Variants in ARID1B observed in about 807,000 individuals in gnomAD.
ARID1B encodes the protein AT-rich interaction domain 1B, also known as AT-rich interactive domain-containing protein 1B.
ARID1B carries 30 observed loss-of-function variants against 212.3 expected under a neutral mutation model. That is an observed-to-expected ratio of 0.14 (90% CI 0.11 to 0.19). ARID1B has a LOEUF of 0.19. Ranked by LOEUF, ARID1B falls within the 10% of genes least tolerant of loss-of-function variation. The pLI, the probability that ARID1B is intolerant of heterozygous loss-of-function variation, is 1.00. For synonymous variants in ARID1B, 1,402 were observed against 1,301.7 expected, an observed-to-expected ratio of 1.08 and a Z score of -1.66; for missense variants, 2,891 against 3,204.0, an observed-to-expected ratio of 0.90 and a Z score of 2.36.
intron 5 of ARID1B, among the ~76,000 whole-genome samples, chr6:157,101,041 T>C (rs1267355833): frequency 6.6e-6 from 1 of 152,214 alleles, no homozygotes; most frequent in African/African-American, 2.4e-5. Context: ...AGAGAGCCGA[T>C]TTCCATGAGG....
intron 3 of ARID1B, among the ~76,000 whole-genome samples, chr6:156,927,509 C>T (rs1791319880): frequency 6.6e-6 from 1 of 152,074 alleles, no homozygotes; most frequent in Non-Finnish European, 1.5e-5. Flanking sequence ...ATGTCTTGAT[C>T]CCCACCCCAC....
chr6:157,146,663 CAT>C (rs1182620170), intron 7 of ARID1B, among the ~76,000 whole-genome samples: 53 of 152,330 alleles, frequency 3.5e-4, no homozygotes, highest in African/African-American at 1.2e-3. Context: ...CACACACACA[CAT>C]ACCCATGTAG....
chr6:157,028,446 T>G (rs1780806781), intron 4 of ARID1B, among the ~76,000 whole-genome samples: 1 of 152,244 alleles, frequency 6.6e-6, no homozygotes, highest in East Asian at 1.9e-4. Context: ...CATAAAGATC[T>G]AAAGGGAAAG....
At chr6:157,027,547 G>T (rs1583174162) in intron 4 of ARID1B, among the ~76,000 whole-genome samples, 1 of 152,340 alleles carries the variant, frequency 6.6e-6, no homozygotes, top group East Asian at 1.9e-4. Flanking sequence ...TTTGGACAGG[G>T]AACAGGGCAG....
chr6:157,121,962 C>T (rs575597902), intron 6 of ARID1B, among the ~76,000 whole-genome samples: 5 of 152,108 alleles, frequency 3.3e-5, no homozygotes, highest in African/African-American at 1.2e-4. Flanking sequence ...GTAAAGTCTC[C>T]GCTAACCAAA....
At chr6:156,948,675 A>G (rs1793351816) in intron 4 of ARID1B, among the ~76,000 whole-genome samples, 1 of 152,248 alleles carries the variant, frequency 6.6e-6, no homozygotes, top group Non-Finnish European at 1.5e-5. Flanking sequence ...GTAATCATTT[A>G]TTGTGTCTAA....
chr6:156,908,139 G>T (rs1399478652), intron 3 of ARID1B, among the ~76,000 whole-genome samples: 1 of 152,054 alleles, frequency 6.6e-6, no homozygotes, highest in African/African-American at 2.4e-5. Flanking sequence ...GGCCTCAAGT[G>T]ATCCTCCTAC....
intron 4 of ARID1B, among the ~76,000 whole-genome samples, chr6:157,069,454 A>G (rs988787387): frequency 2.6e-5 from 4 of 152,122 alleles, no homozygotes; most frequent in Admixed American, 6.5e-5. Context: ...TAACACTACT[A>G]ATTTCTTGTA....
intron 15 of ARID1B, chr6:157,195,649 G>T (rs1453392495): frequency 2.5e-5 from 4 of 157,850 alleles, no homozygotes; most frequent in African/African-American, 7.2e-5. Context: ...CTCATGGAAG[G>T]TGCCCACCGG....
intron 1 of ARID1B, among the ~76,000 whole-genome samples, chr6:156,817,954 C>G (rs1484161771): frequency 6.6e-6 from 1 of 152,130 alleles, no homozygotes; most frequent in Non-Finnish European, 1.5e-5. Context: ...TTATCACTGT[C>G]AGGAAACTTA....
At chr6:156,824,103 C>T (rs1398693915) in intron 1 of ARID1B, among the ~76,000 whole-genome samples, 2 of 152,022 alleles carry the variant, frequency 1.3e-5, no homozygotes, top group African/African-American at 4.8e-5. Flanking sequence ...GTATTTCTTC[C>T]TTAGAGAGAG....
intron 2 of ARID1B, among the ~76,000 whole-genome samples, chr6:156,841,458 T>C (rs898675169): frequency 6.6e-6 from 1 of 152,164 alleles, no homozygotes; most frequent in African/African-American, 2.4e-5. Flanking sequence ...ATGACAGGAA[T>C]CTAGTGCCTT....
chr6:156,906,158 T>C (rs1016965765), intron 3 of ARID1B, among the ~76,000 whole-genome samples: 9 of 152,002 alleles, frequency 5.9e-5, no homozygotes, highest in Non-Finnish European at 1.2e-4. Flanking sequence ...GGAGGGGTGG[T>C]CCTCAACTGG....
intron 3 of ARID1B, among the ~76,000 whole-genome samples, chr6:156,932,010 C>CTG (rs1333088831): frequency 1.3e-5 from 2 of 148,222 alleles, no homozygotes; most frequent in African/African-American, 5.0e-5. Flanking sequence ...TGGTATGTGC[C>CTG]TGTAGTCCTA....
chr6:156,905,985 A>G (rs930310882), intron 3 of ARID1B, among the ~76,000 whole-genome samples: 2 of 152,208 alleles, frequency 1.3e-5, no homozygotes, highest in African/African-American at 2.4e-5. Flanking sequence ...AAGATGAGAA[A>G]TATCCCTGTA....
At chr6:157,018,615 C>T (rs1259130675) in intron 4 of ARID1B, among the ~76,000 whole-genome samples, 1 of 152,160 alleles carries the variant, frequency 6.6e-6, no homozygotes, top group Non-Finnish European at 1.5e-5. Flanking sequence ...CCTTACTCTT[C>T]GTTTACTAAT....
chr6:156,978,607 T>C (rs1186608757), intron 4 of ARID1B, among the ~76,000 whole-genome samples: 1 of 152,244 alleles, frequency 6.6e-6, no homozygotes, highest in Non-Finnish European at 1.5e-5. Context: ...TCTTGTGTGA[T>C]ATAAATTATT....
At chr6:156,940,394 T>C (rs920549404) in intron 4 of ARID1B, 2 of 152,250 alleles carry the variant, frequency 1.3e-5, no homozygotes, top group Non-Finnish European at 2.9e-5. Context: ...ATAGTGCTTA[T>C]GGCACTTTTG....
At chr6:156,952,793 T>C (rs1303432047) in intron 4 of ARID1B, among the ~76,000 whole-genome samples, 2 of 152,362 alleles carry the variant, frequency 1.3e-5, no homozygotes, top group Admixed American at 1.3e-4. Context: ...AATGTATATA[T>C]TCATTCTTGT....
Sources: allele counts gnomAD v4.1 joint callset (sites outside exome capture counted in the v4.1 genomes callset), GRCh38; gene constraint gnomAD v4.1.1; transcripts MANE v1.5; gene names NCBI Gene and HGNC (gene_info 2026-07-23, HGNC 2026-07-21).